Variants in SFMBT1 observed in about 807,000 individuals in gnomAD.
The protein encoded by SFMBT1 is Scm like with four mbt domains 1.
In SFMBT1, 32 loss-of-function variants were observed where a neutral mutation model predicts 108.7. The observed-to-expected ratio is 0.29, with a 90% confidence interval of 0.22 to 0.40. The LOEUF (loss-of-function observed/expected upper bound fraction) is 0.40. SFMBT1 is among the 10% of genes least tolerant of loss of function. SFMBT1 has a pLI of 1.00. For synonymous variants in SFMBT1, 348 were observed against 369.5 expected (o/e 0.94, Z 0.67); for missense variants, 816 against 1,059.6 (o/e 0.77, Z 3.19).
chr3:53,001,279 T>C (rs1180259203), intron 1 of SFMBT1, among the ~76,000 whole-genome samples: 1 of 150,124 alleles, frequency 6.7e-6, no homozygotes, highest in Non-Finnish European at 1.5e-5. Context: ...GATTTTCTTT[T>C]AGTTAGCTAG....
chr3:52,950,220 A>T (rs1473164623), intron 3 of SFMBT1, among the ~76,000 whole-genome samples: 1 of 152,128 alleles, frequency 6.6e-6, no homozygotes, highest in Admixed American at 6.5e-5. Context: ...TTAAACAGGC[A>T]TTTTATATTA....
intron 17 of SFMBT1, among the ~76,000 whole-genome samples, chr3:52,909,261 C>T (rs1276959423): frequency 6.6e-6 from 1 of 152,200 alleles, no homozygotes; most frequent in African/African-American, 2.4e-5. Context: ...CTTCCCCTCA[C>T]ATATCTTCCT....
chr3:52,974,787 C>T (rs969937272), intron 1 of SFMBT1, among the ~76,000 whole-genome samples: 7 of 137,246 alleles, frequency 5.1e-5, no homozygotes, highest in Middle Eastern at 4.2e-3. Context: ...CTCACGAGTT[C>T]GAGATAAGCC....
At chr3:53,023,407 T>C (rs1575445131) in intron 1 of SFMBT1, among the ~76,000 whole-genome samples, 1 of 152,258 alleles carries the variant, frequency 6.6e-6, no homozygotes, top group African/African-American at 2.4e-5. Context: ...CTTAGCTTTC[T>C]TATATTTCAG....
intron 2 of SFMBT1, among the ~76,000 whole-genome samples, chr3:52,962,685 G>C (rs1294976286): frequency 6.6e-6 from 1 of 151,690 alleles, no homozygotes; most frequent in East Asian, 1.9e-4. Flanking sequence ...GCACGTGCCT[G>C]TAATCCCAGC....
rs1361691090 is a variant in SFMBT1 at position 52,904,188 on chromosome 3, G to A, written c.*948C>T. 1 of 152,132 alleles carries A rather than the reference G, an allele frequency of 6.6e-6. No homozygotes were observed. The highest frequency in any genetic ancestry group is 1.5e-5 in the Non-Finnish European group (1 of 68,040). 9.4% of individuals were successfully genotyped at this position (152,132 alleles called of 1,614,324 possible). ...GTAAAGACCTTAGAAATGAAACAGA[G>A]GTAGACAAACAACTCTAGAGAAAAG... On this transcript the variant is annotated 3_prime_UTR_variant, in exon 21 of 21. Coordinates refer to ENST00000394752, the MANE Select transcript of SFMBT1 (RefSeq NM_016329.4).
intron 4 of SFMBT1, among the ~76,000 whole-genome samples, chr3:52,942,657 TG>T (rs1172850107): frequency 2.0e-5 from 3 of 152,190 alleles, no homozygotes; most frequent in African/African-American, 7.2e-5. Flanking sequence ...GAATTATAGT[TG>T]TGAGCCACCA....
chr3:52,914,483 T>C (rs1359150513), intron 14 of SFMBT1, among the ~76,000 whole-genome samples: 6 of 152,102 alleles, frequency 3.9e-5, no homozygotes, highest in African/African-American at 1.2e-4. Context: ...TCCCAGCAAT[T>C]TGGGAGGCCA....
intron 1 of SFMBT1, among the ~76,000 whole-genome samples, chr3:52,977,249 G>C (rs1312573448): frequency 6.6e-6 from 1 of 152,180 alleles, no homozygotes; most frequent in Non-Finnish European, 1.5e-5. Flanking sequence ...GGTGGCTAAC[G>C]CATGTAATCC....
At chr3:52,910,180 A>G (rs1702182126) in intron 17 of SFMBT1, among the ~76,000 whole-genome samples, 1 of 152,130 alleles carries the variant, frequency 6.6e-6, no homozygotes, top group Admixed American at 6.5e-5. Flanking sequence ...TTCTCTAAAT[A>G]CTGACCCCTC....
Position 52,952,799 on chromosome 3 carries a change from T to C in SFMBT1, c.123+1518A>G, listed in dbSNP as rs535069554. 1.2e-4 allele frequency among the ~76,000 whole-genome samples: 19 copies of C among 152,278 alleles called. No homozygotes were observed. In the East Asian group the frequency reaches 3.7e-3, roughly 29 times the overall value. On this transcript the variant is annotated intron_variant, in intron 3 of 20. Coordinates refer to ENST00000394752, the MANE Select transcript of SFMBT1 (RefSeq NM_016329.4). ...CCTCTTCATACCAACGCAATGGGGA[T>C]TAGGTTTCAACATATAAATTTTGGG...
intron 1 of SFMBT1, among the ~76,000 whole-genome samples, chr3:52,977,550 A>C (rs1393665338): frequency 6.6e-6 from 1 of 152,128 alleles, no homozygotes; most frequent in African/African-American, 2.4e-5. Flanking sequence ...TGGAAACCTC[A>C]GGGTCAATCA....
intron 9 of SFMBT1, among the ~76,000 whole-genome samples, chr3:52,927,250 C>T (rs1017548619): frequency 6.6e-6 from 1 of 152,138 alleles, no homozygotes; most frequent in Non-Finnish European, 1.5e-5. Flanking sequence ...CCTATTTGCC[C>T]CTTGAAGGGA....
intron 1 of SFMBT1, among the ~76,000 whole-genome samples, chr3:53,014,329 G>A (rs922574782): frequency 6.6e-6 from 1 of 152,136 alleles, no homozygotes; most frequent in African/African-American, 2.4e-5. Context: ...TTTAGGTGAG[G>A]CGCAGCGGCT....
intron 14 of SFMBT1, among the ~76,000 whole-genome samples, chr3:52,914,515 G>A (rs910877270): frequency 6.6e-6 from 1 of 152,074 alleles, no homozygotes; most frequent in Admixed American, 6.5e-5. Context: ...CATCGCTTGA[G>A]TCCAGTTTGA....
chr3:52,920,481 A>T (rs1702486448), intron 12 of SFMBT1, 56 bp downstream of exon 12: 6 of 1,272,396 alleles, frequency 4.7e-6, no homozygotes, highest in African/African-American at 1.5e-5. Context: ...AATTGGCAGC[A>T]GCCACACAGA....
At chr3:52,981,529 A>ATTTTTTTTTTTTTTTT (rs34406724) in intron 1 of SFMBT1, among the ~76,000 whole-genome samples, 1 of 133,052 alleles carries the variant, frequency 7.5e-6, no homozygotes, top group Non-Finnish European at 1.6e-5. Context: ...TGCTCAGCTA[A>ATTTTTTTTTTTTTTTT]TTTTTTTTTT....
At chr3:52,992,466 T>A (rs911659333) in intron 1 of SFMBT1, among the ~76,000 whole-genome samples, 1 of 152,172 alleles carries the variant, frequency 6.6e-6, no homozygotes, top group African/African-American at 2.4e-5. Context: ...TAAAAAAAAT[T>A]TTTTTAATAA....
chr3:53,019,384 T>G (rs929373357), intron 1 of SFMBT1, among the ~76,000 whole-genome samples: 131 of 111,834 alleles, frequency 1.2e-3, no homozygotes, highest in African/African-American at 2.7e-3. Context: ...TGTGTGTGTG[T>G]GTGGGGGGGG....
Sources: gnomAD v4.1 joint callset for allele counts (sites outside exome capture counted in the v4.1 genomes callset) on GRCh38, gnomAD v4.1.1 for gene constraint, MANE v1.5 for transcripts, NCBI Gene and HGNC (gene_info 2026-07-23, HGNC 2026-07-21) for gene names.